SNTG2: variants seen among roughly 807,000 people sequenced by gnomAD.
SNTG2 encodes the protein syntrophin gamma 2.
SNTG2 carries 74 observed loss-of-function variants against 70.9 expected under a neutral mutation model. That is an observed-to-expected ratio of 1.04 (90% CI 0.86 to 1.27). SNTG2 has a LOEUF of 1.27. Ranked by LOEUF, SNTG2 falls within the 50% of genes most tolerant of loss-of-function variation. The probability of loss-of-function intolerance (pLI) is 0.00; values close to 1 mark genes in which losing one functional copy is unlikely to be tolerated. For synonymous variants in SNTG2, 278 were observed against 273.8 expected, an observed-to-expected ratio of 1.02 and a Z score of -0.15; for missense variants, 717 against 690.7, an observed-to-expected ratio of 1.04 and a Z score of -0.43.
In SNTG2 at chr2:1,048,269, G is replaced by T. The variant is rs142718345; in HGVS notation, c.73-35249G>T. On this transcript the variant is annotated intron_variant, in intron 1 of 16. Coordinates refer to ENST00000308624, the MANE Select transcript of SNTG2 (RefSeq NM_018968.4). ...GAAAAGTGTCCAAATCATATGAATAGCTCAGTGAATTTTCACTAAGACCTC... is the reference window on the plus strand; with the variant it reads ...GAAAAGTGTCCAAATCATATGAATATCTCAGTGAATTTTCACTAAGACCTC... Among the ~76,000 whole-genome samples, 65 of 152,188 alleles carry T rather than the reference G, an allele frequency of 4.3e-4. 1 individual carries two copies. In the East Asian group the frequency reaches 0.012, roughly 29 times the overall value.
intron 9 of SNTG2, among the ~76,000 whole-genome samples, chr2:1,224,037 T>C (rs570321471): frequency 1.5e-3 from 222 of 152,222 alleles, no homozygotes; most frequent in Admixed American, 2.9e-3. Flanking sequence ...CTGTCCTGCA[T>C]TGCAGATGGC....
chr2:987,550 C>T (rs1367769744), intron 1 of SNTG2, among the ~76,000 whole-genome samples: 1 of 152,012 alleles, frequency 6.6e-6, no homozygotes, highest in Non-Finnish European at 1.5e-5. Flanking sequence ...GGGACTCCAG[C>T]GTCTCTAGCG....
intron 4 of SNTG2, among the ~76,000 whole-genome samples, chr2:1,118,514 C>T (rs933713698): frequency 1.3e-5 from 2 of 152,008 alleles, no homozygotes; most frequent in African/African-American, 2.4e-5. Context: ...AAAATCTTCC[C>T]CTACAAAAGG....
rs1675080006 is a variant in SNTG2 at position 1,222,003 on chromosome 2, C to CTG, written c.719+12774_719+12775insGT. Among the ~76,000 whole-genome samples, 4 of 78,974 alleles carry CTG rather than the reference C, an allele frequency of 5.1e-5. 1 individual carries two copies. The highest frequency in any genetic ancestry group is 1.1e-4 in the Non-Finnish European group (4 of 36,046). 51.8% of individuals were successfully genotyped at this position (78,974 alleles called of 152,430 possible). On this transcript the variant is annotated intron_variant, in intron 9 of 16. Transcript: ENST00000308624. ...TGTCTCTCTCTGTCTCTGTCTCTGT[C>CTG]TCTCTCTGTCTCTCTCTGTCTCTGC...
chr2:1,297,538 C>T (rs182369048), intron 14 of SNTG2, among the ~76,000 whole-genome samples: 141 of 150,856 alleles, frequency 9.3e-4, no homozygotes, highest in African/African-American at 3.4e-3. Context: ...TGCACCTCTG[C>T]AGCTCCTTCC....
intron 11 of SNTG2, among the ~76,000 whole-genome samples, chr2:1,245,689 T>C (rs746907016): frequency 7.2e-5 from 11 of 152,348 alleles, no homozygotes; most frequent in Non-Finnish European, 1.3e-4. Flanking sequence ...AATATAAGTA[T>C]GTGACCCAAC....
At chr2:1,363,876 G>A (rs1337707773) in intron 16 of SNTG2, among the ~76,000 whole-genome samples, 1 of 152,160 alleles carries the variant, frequency 6.6e-6, no homozygotes, top group East Asian at 1.9e-4. Context: ...TGTTTCATAA[G>A]CTTTAATTTC....
At chr2:975,961 A>G (rs914396281) in intron 1 of SNTG2, among the ~76,000 whole-genome samples, 32 of 152,230 alleles carry the variant, frequency 2.1e-4, no homozygotes, top group Non-Finnish European at 4.3e-4. Flanking sequence ...AATATTGCAC[A>G]TAAGACAACA....
intron 1 of SNTG2, among the ~76,000 whole-genome samples, chr2:1,069,768 C>T (rs1284860385): frequency 6.6e-6 from 1 of 151,926 alleles, no homozygotes; most frequent in East Asian, 1.9e-4. Flanking sequence ...TGCAGCCTGG[C>T]GACAGAGCAA....
intron 11 of SNTG2, among the ~76,000 whole-genome samples, chr2:1,245,167 T>C (rs1427875037): frequency 6.7e-6 from 1 of 149,258 alleles, no homozygotes; most frequent in Non-Finnish European, 1.5e-5. Context: ...ATATACCTAA[T>C]GCTAGATGAC....
chr2:976,455 G>A (rs7586629), intron 1 of SNTG2, among the ~76,000 whole-genome samples: 45,993 of 151,930 alleles, frequency 0.3, 7,352 homozygotes, highest in Middle Eastern at 0.4. Context: ...GGAAGCCAGC[G>A]ATTGTTCTTG....
At chr2:1,293,581 C>T (rs1482354552) in intron 14 of SNTG2, among the ~76,000 whole-genome samples, 1 of 151,884 alleles carries the variant, frequency 6.6e-6, no homozygotes, top group Non-Finnish European at 1.5e-5. Context: ...TTTCTAGCTT[C>T]CCTTGTGATT....
intron 14 of SNTG2, among the ~76,000 whole-genome samples, chr2:1,284,655 C>T (rs1324094243): frequency 6.6e-6 from 1 of 152,056 alleles, no homozygotes; most frequent in Non-Finnish European, 1.5e-5. Context: ...TTAAATTGGC[C>T]TTATCTTTTA....
intron 1 of SNTG2, among the ~76,000 whole-genome samples, chr2:1,019,456 C>A (rs1660034233): frequency 6.6e-6 from 1 of 151,794 alleles, no homozygotes; most frequent in Admixed American, 6.6e-5. Context: ...TGGGAAGAGG[C>A]CATAGGTGTG....
chr2:1,097,829 A>C lies in SNTG2; in HGVS notation c.211-367A>C, dbSNP rs1665494814. On this transcript the variant is annotated intron_variant, in intron 2 of 16. Transcript: ENST00000308624. The surrounding 1 kb of genome is among the most constrained non-coding windows in gnomAD (Gnocchi z 4.1). The stretch of plus-strand genomic sequence containing the variant: ...GTTGGTGGGTAGAGAGCGGTTCTAA[A>C]ACAGGACTGAGTGCTCCGCCCCACT... 6.6e-6 allele frequency among the ~76,000 whole-genome samples: 1 copy of C among 151,818 alleles called. No individual in the cohort carries two copies. Among genetic ancestry groups the C allele is most frequent in the Non-Finnish European group, 1.5e-5 (1 of 67,956 alleles).
intron 1 of SNTG2, among the ~76,000 whole-genome samples, chr2:992,509 G>T (rs1281195856): frequency 6.6e-6 from 1 of 152,110 alleles, no homozygotes; most frequent in Admixed American, 6.6e-5. Flanking sequence ...AAGAATCTTT[G>T]CAATACAAGA....
At position 1,157,476 on chromosome 2, in the gene SNTG2, C is replaced by G. The variant is rs146437435; in HGVS notation, c.412-8072C>G. On this transcript the variant is annotated intron_variant, in intron 6 of 16. Coordinates refer to ENST00000308624, the MANE Select transcript of SNTG2 (RefSeq NM_018968.4). ...TGCCAGACAGGAGGGACGGTGTCCA[C>G]GAAGAGGCCTTCACACTTAGAAAAA... Among the ~76,000 whole-genome samples, 432 of 152,306 alleles carry G rather than the reference C, an allele frequency of 2.8e-3. 2 individuals are homozygous for G. The highest frequency in any genetic ancestry group is 4.7e-3 in the Non-Finnish European group (322 of 68,034).
intron 16 of SNTG2, among the ~76,000 whole-genome samples, chr2:1,346,791 A>G (rs992181877): frequency 2.0e-4 from 30 of 152,098 alleles, no homozygotes; most frequent in Non-Finnish European, 3.4e-4. Context: ...GCACTGCTTC[A>G]GCCTGGAAAA....
chr2:972,580 A>T (rs1002514992), intron 1 of SNTG2, among the ~76,000 whole-genome samples: 6 of 152,130 alleles, frequency 3.9e-5, no homozygotes, highest in Non-Finnish European at 8.8e-5. Context: ...CCCAAATCTC[A>T]TGTCGGATCA....
Sources: allele counts gnomAD v4.1 joint callset (sites outside exome capture counted in the v4.1 genomes callset), GRCh38; gene constraint gnomAD v4.1.1; non-coding constraint Gnocchi (gnomAD v3.1); transcripts MANE v1.5; gene names NCBI Gene and HGNC (gene_info 2026-07-23, HGNC 2026-07-21).